The following AGBL1 variants were observed in gnomAD, a reference collection of about 807,000 sequenced individuals.
The protein encoded by AGBL1 is cytosolic carboxypeptidase 4.
Under a neutral mutation model 118.9 loss-of-function variants are expected in AGBL1, and 130 were observed. That is an observed-to-expected ratio of 1.09 (90% confidence interval 0.95 to 1.26). The LOEUF is 1.26. Among genes scored for constraint, AGBL1 ranks in the 50% most tolerant of loss-of-function variants. The pLI is 0.00. For missense variants in AGBL1, 1,584 were observed against 1,298.1 expected (o/e 1.22, Z -3.38); for synonymous variants, 555 against 478.9 (o/e 1.16, Z -2.08).
chr15:86,466,924 G>T (rs1211164798), intron 18 of AGBL1, among the ~76,000 whole-genome samples: 1 of 152,218 alleles, frequency 6.6e-6, no homozygotes, highest in Non-Finnish European at 1.5e-5. Context: ...TGTATGAAGT[G>T]TCTCCCCATC....
intron 5 of AGBL1, among the ~76,000 whole-genome samples, chr15:86,207,312 T>G (rs1313074497): frequency 6.6e-6 from 1 of 152,266 alleles, no homozygotes; most frequent in African/African-American, 2.4e-5. Flanking sequence ...CGGTTCCATA[T>G]GAACTTTAAA....
At chr15:86,809,426 G>GCTA (rs1171282689) in intron 22 of AGBL1, among the ~76,000 whole-genome samples, 1 of 152,122 alleles carries the variant, frequency 6.6e-6, no homozygotes, top group Non-Finnish European at 1.5e-5. Flanking sequence ...TATATGCTGA[G>GCTA]CTATTCCATA....
chr15:86,917,489 G>C (rs573774552), downstream of AGBL1, among the ~76,000 whole-genome samples: 19 of 152,298 alleles, frequency 1.2e-4, no homozygotes, highest in East Asian at 3.7e-3. This position sits in a 1 kb window ranked among gnomAD's most constrained non-coding sequence, Gnocchi z 4.8. Flanking sequence ...CACACTGAAT[G>C]TTCCGGCCAC....
At chr15:87,002,749 G>C (rs984820066) in intron 24 of AGBL1, among the ~76,000 whole-genome samples, 5 of 152,168 alleles carry the variant, frequency 3.3e-5, no homozygotes, top group African/African-American at 1.2e-4. Context: ...ATTTGTGAAT[G>C]AGAGTTCACT....
At chr15:87,024,985 T>C (rs1002329274) in intron 24 of AGBL1, among the ~76,000 whole-genome samples, 1 of 151,958 alleles carries the variant, frequency 6.6e-6, no homozygotes, top group African/African-American at 2.4e-5. Context: ...TACCTCAATA[T>C]AATAAAAGCC....
At chr15:86,696,283 T>C (rs191514089) in intron 22 of AGBL1, among the ~76,000 whole-genome samples, 1 of 152,156 alleles carries the variant, frequency 6.6e-6, no homozygotes, top group East Asian at 1.9e-4. Flanking sequence ...GCATCTATAT[T>C]TAGGATTGTG....
intron 18 of AGBL1, among the ~76,000 whole-genome samples, chr15:86,464,236 T>C (rs2082368649): frequency 6.6e-6 from 1 of 152,214 alleles, no homozygotes; most frequent in African/African-American, 2.4e-5. Flanking sequence ...TTTGGCTCTC[T>C]GTTTGTCTAT....
chr15:86,547,298 A>G (rs1267226538), intron 20 of AGBL1, among the ~76,000 whole-genome samples: 4 of 152,166 alleles, frequency 2.6e-5, no homozygotes, highest in Non-Finnish European at 5.9e-5. Context: ...TATGTGATAC[A>G]TCTTGAATCA....
chr15:86,323,998 C>T (rs912740728), intron 17 of AGBL1, among the ~76,000 whole-genome samples: 1 of 152,140 alleles, frequency 6.6e-6, no homozygotes, highest in Non-Finnish European at 1.5e-5. Flanking sequence ...GTGATGTGCA[C>T]AGAGAAGACT....
intron 22 of AGBL1, among the ~76,000 whole-genome samples, chr15:86,811,438 C>T (rs8027146): frequency 0.62 from 94,008 of 151,994 alleles, 29,145 homozygotes; most frequent in East Asian, 0.7. Flanking sequence ...CAGCTCTCTT[C>T]CCTGGCCTTA....
chr15:86,848,520 G>C (rs1468387404), intron 22 of AGBL1, among the ~76,000 whole-genome samples: 1 of 151,964 alleles, frequency 6.6e-6, no homozygotes, highest in Non-Finnish European at 1.5e-5. Flanking sequence ...CCATATCTTT[G>C]GTTACTTATA....
At chr15:86,545,686 C>G (rs2083570285) in intron 19 of AGBL1, among the ~76,000 whole-genome samples, 1 of 152,030 alleles carries the variant, frequency 6.6e-6, no homozygotes, top group Non-Finnish European at 1.5e-5. Flanking sequence ...CCAGCTTTGC[C>G]CATTCCTCCT....
At chr15:86,992,955 T>C (rs2081348158) in intron 24 of AGBL1, among the ~76,000 whole-genome samples, 1 of 152,128 alleles carries the variant, frequency 6.6e-6, no homozygotes, top group Non-Finnish European at 1.5e-5. Context: ...ATCCCTAAAA[T>C]ATCTCCAGTG....
rs536945637 is a variant in AGBL1 at position 86,921,941 on chromosome 15, A to G, written c.3222-66046A>G. Among the ~76,000 whole-genome samples the G allele has an allele frequency of 9.9e-5, 15 of 151,956 alleles. No homozygotes were observed. In the East Asian group the frequency reaches 2.9e-3, roughly 30 times the overall value. On this transcript the variant is annotated intron_variant, in intron 23 of 24. Transcript: ENST00000441037. ...GAGGTCTTCATGAAACAGATATCCCACCTCCATGTCCCTGGGACTCTGCTT... is the reference window on the plus strand; with the variant it reads ...GAGGTCTTCATGAAACAGATATCCCGCCTCCATGTCCCTGGGACTCTGCTT...
At position 86,433,266 on chromosome 15, in the gene AGBL1, CTTTTTTTT is replaced by C. The variant is rs59417397; in HGVS notation, c.2555+35740_2555+35747del. Among the ~76,000 whole-genome samples the C allele has an allele frequency of 5.6e-3, 419 of 74,892 alleles. 2 individuals are homozygous for C. The highest frequency in any genetic ancestry group is 0.013 in the African/African-American group (251 of 19,010). The allele number at this position is 74,892 out of a possible 152,430, so 49.1% of individuals were successfully genotyped here. A position where few individuals can be genotyped will look rare whatever the true frequency, so the allele number is the denominator to read the frequency against. ...TCTCCTCCTCCTCCTCCTCCTTCTT[CTTTTTTTT>C]TTTTTTTTTTTTTTTTTTTGCCATT... On this transcript the variant is annotated intron_variant, in intron 18 of 22. Coordinates refer to ENST00000614907, the MANE Select transcript of AGBL1 (RefSeq NM_001386094.1).
At chr15:86,886,040 A>AT (rs2079965457) in intron 22 of AGBL1, among the ~76,000 whole-genome samples, 2 of 152,290 alleles carry the variant, frequency 1.3e-5, no homozygotes, top group African/African-American at 2.4e-5. Flanking sequence ...AGCATTGCTG[A>AT]TTTTTTGGTT....
At chr15:86,774,259 C>A (rs1393170967) in intron 22 of AGBL1, among the ~76,000 whole-genome samples, 1 of 152,102 alleles carries the variant, frequency 6.6e-6, no homozygotes, top group African/African-American at 2.4e-5. Context: ...AAAATAAAAT[C>A]TTTCTCCCCT....
At chr15:87,019,244 C>A (rs2081638246) in intron 24 of AGBL1, among the ~76,000 whole-genome samples, 1 of 152,124 alleles carries the variant, frequency 6.6e-6, no homozygotes, top group South Asian at 2.1e-4. Flanking sequence ...TACTCAGAAC[C>A]TGAACTCGGC....
At chr15:86,482,863 T>C (rs2082669918) in intron 18 of AGBL1, among the ~76,000 whole-genome samples, 1 of 152,084 alleles carries the variant, frequency 6.6e-6, no homozygotes, top group Non-Finnish European at 1.5e-5. Flanking sequence ...TGTCTCATTA[T>C]GTCAGATGAA....
Sources: gnomAD v4.1 joint callset for allele counts (sites outside exome capture counted in the v4.1 genomes callset) on GRCh38, gnomAD v4.1.1 for gene constraint, Gnocchi (gnomAD v3.1) non-coding constraint, MANE v1.5 for transcripts, NCBI Gene and HGNC (gene_info 2026-07-23, HGNC 2026-07-21) for gene names.